ADCYAP1R1: variants seen among roughly 807,000 people sequenced by gnomAD.
ADCYAP1R1 encodes pituitary adenylate cyclase-activating polypeptide type I receptor.
In ADCYAP1R1, 44 loss-of-function variants were observed where a neutral mutation model predicts 67.6. The ratio of observed to expected loss-of-function variants is 0.65; its 90% CI spans 0.51 to 0.84. ADCYAP1R1 has a LOEUF of 0.84. Ranked by LOEUF, ADCYAP1R1 falls within the 40% of genes least tolerant of loss-of-function variation. The probability of loss-of-function intolerance (pLI) is 0.00; values close to 1 mark genes in which losing one functional copy is unlikely to be tolerated. For missense variants in ADCYAP1R1, 477 were observed against 587.9 expected (o/e 0.81, Z 1.95); for synonymous variants, 222 against 219.6 (o/e 1.01, Z -0.10).
chr7:31,074,261 G>A (rs959320279), intron 3 of ADCYAP1R1, among the ~76,000 whole-genome samples: 2 of 152,192 alleles, frequency 1.3e-5, no homozygotes, highest in Admixed American at 6.5e-5. Context: ...GGGGCTTCCG[G>A]TGCTAATGCT....
At chr7:31,078,708 G>C (rs902819022) in intron 4 of ADCYAP1R1, among the ~76,000 whole-genome samples, 11 of 152,226 alleles carry the variant, frequency 7.2e-5, no homozygotes, top group African/African-American at 2.7e-4. Flanking sequence ...CGTTTGCTCA[G>C]CAGAGCATTT....
chr7:31,084,325 A>T (rs936733441), intron 7 of ADCYAP1R1, 75 bp downstream of exon 7: 4 of 1,231,936 alleles, frequency 3.2e-6, no homozygotes, highest in Non-Finnish European at 4.7e-6. Context: ...GGCAGCATTC[A>T]TGAGCACCTG....
In ADCYAP1R1 at chr7:31,110,547, C is replaced by T. The variant is rs1461231637; in HGVS notation, c.*3863C>T. 6.6e-6 allele frequency: 1 copy of T among 152,278 alleles called. No homozygotes were observed. Among genetic ancestry groups the T allele is most frequent in the Non-Finnish European group, 1.5e-5 (1 of 68,026 alleles). 9.4% of individuals were successfully genotyped at this position (152,278 alleles called of 1,614,324 possible). A position where few individuals can be genotyped will look rare whatever the true frequency, so the allele number is the denominator to read the frequency against. Reference sequence around the variant, plus strand: ...AAATCTGAATGAGTAAATGGCTCACCAATTTATGCATAGCCCTGCACATGA... The same window carrying T: ...AAATCTGAATGAGTAAATGGCTCACTAATTTATGCATAGCCCTGCACATGA... On this transcript the variant is annotated 3_prime_UTR_variant, in exon 16 of 16. Coordinates refer to ENST00000304166, the MANE Select transcript of ADCYAP1R1 (RefSeq NM_001118.5).
intron 4 of ADCYAP1R1, among the ~76,000 whole-genome samples, chr7:31,079,519 C>G (rs138834047): frequency 2.6e-5 from 4 of 152,364 alleles, no homozygotes; most frequent in East Asian, 1.9e-4. Context: ...CACTCCAGCA[C>G]TGAGTCCTGC....
At chr7:31,084,287 G>A in intron 7 of ADCYAP1R1, 37 bp downstream of exon 7, 1 of 1,586,812 alleles carries the variant, frequency 6.3e-7, no homozygotes, top group Non-Finnish European at 8.6e-7. Context: ...AGGTGGTGAG[G>A]GTAGGGCTGA....
chr7:31,060,874 C>G (rs1195143896), intron 1 of ADCYAP1R1, among the ~76,000 whole-genome samples: 1 of 152,196 alleles, frequency 6.6e-6, no homozygotes, highest in Non-Finnish European at 1.5e-5. Context: ...AAAATAGAGG[C>G]TTTATAATTC....
intron 3 of ADCYAP1R1, among the ~76,000 whole-genome samples, chr7:31,077,424 G>GTGGTGTATA (rs1795295432): frequency 7.4e-6 from 1 of 135,276 alleles, no homozygotes; most frequent in Non-Finnish European, 1.6e-5. Flanking sequence ...TGATGTGTGT[G>GTGGTGTATA]TGGTGTATAT....
Position 31,077,989 on chromosome 7 carries a change from A to G in ADCYAP1R1, c.158-2A>G. On this transcript the variant is annotated splice_acceptor_variant, in intron 3 of 15. Coordinates refer to ENST00000304166, the MANE Select transcript of ADCYAP1R1 (RefSeq NM_001118.5). LOFTEE classifies it high-confidence loss of function. ...CTCTCACCATGGCTGTCTTACCCAC[A>G]GGCTGTCCTGGGATGTGGGACAACA... 1 of 1,603,638 alleles carries G rather than the reference A, an allele frequency of 6.2e-7. No homozygotes were observed. Among genetic ancestry groups the G allele is most frequent in the Non-Finnish European group, 8.5e-7 (1 of 1,174,754 alleles).
chr7:31,058,743 C>T (rs1363788305), intron 1 of ADCYAP1R1, among the ~76,000 whole-genome samples: 2 of 152,076 alleles, frequency 1.3e-5, no homozygotes, highest in Non-Finnish European at 2.9e-5. Context: ...TGTGGGGGTC[C>T]CTACTAGGGT....
At chr7:31,083,413 C>T (rs1290884267) in intron 6 of ADCYAP1R1, among the ~76,000 whole-genome samples, 1 of 152,206 alleles carries the variant, frequency 6.6e-6, no homozygotes, top group Non-Finnish European at 1.5e-5. Context: ...ACTGATCCCA[C>T]CCCCTCGAGT....
intron 1 of ADCYAP1R1, among the ~76,000 whole-genome samples, chr7:31,060,574 G>A (rs562904008): frequency 2.5e-4 from 38 of 152,142 alleles, no homozygotes; most frequent in African/African-American, 8.7e-4. Context: ...CATCATGGGA[G>A]TTTGTATTGA....
intron 1 of ADCYAP1R1, among the ~76,000 whole-genome samples, chr7:31,057,595 G>C (rs1794305869): frequency 6.6e-6 from 1 of 152,188 alleles, no homozygotes; most frequent in Non-Finnish European, 1.5e-5. Flanking sequence ...ATTGCCGGGA[G>C]GCCCCTGGCC....
chr7:31,065,773 TG>T (rs1010653387), intron 3 of ADCYAP1R1, among the ~76,000 whole-genome samples: 3 of 152,176 alleles, frequency 2.0e-5, no homozygotes, highest in Non-Finnish European at 4.4e-5. Flanking sequence ...CCTTAATCGT[TG>T]AAGGACTGGC....
intron 15 of ADCYAP1R1, 137 bp downstream of exon 15, chr7:31,105,046 G>A (rs927172121): frequency 1.3e-5 from 12 of 904,700 alleles, no homozygotes; most frequent in East Asian, 2.4e-5. Context: ...GAGAGGAGGG[G>A]CTGGTCATAC....
intron 14 of ADCYAP1R1, among the ~76,000 whole-genome samples, chr7:31,103,619 G>A (rs1409997352): frequency 6.6e-6 from 1 of 152,222 alleles, no homozygotes; most frequent in Non-Finnish European, 1.5e-5. Context: ...GACCTGAGAT[G>A]GCATCTCCCA....
intron 1 of ADCYAP1R1, among the ~76,000 whole-genome samples, 194 bp downstream of exon 1, chr7:31,052,872 C>T (rs114588765): frequency 0.018 from 2,806 of 152,314 alleles, 98 homozygotes; most frequent in African/African-American, 0.064. Context: ...AGCCCCCTCC[C>T]GCCGCTGCGC....
chr7:31,085,536 C>T, intron 9 of ADCYAP1R1, 94 bp downstream of exon 9: 1 of 1,415,920 alleles, frequency 7.1e-7, no homozygotes, highest in Non-Finnish European at 9.5e-7. Flanking sequence ...GCCTGACACC[C>T]TGCAGATCAA....
intron 3 of ADCYAP1R1, among the ~76,000 whole-genome samples, chr7:31,071,934 G>C (rs1795001397): frequency 6.6e-6 from 1 of 151,812 alleles, no homozygotes; most frequent in African/African-American, 2.4e-5. Flanking sequence ...GTTCTCACCT[G>C]GCCCTTTCCA....
At chr7:31,073,664 G>C (rs1340322241) in intron 3 of ADCYAP1R1, among the ~76,000 whole-genome samples, 1 of 152,158 alleles carries the variant, frequency 6.6e-6, no homozygotes, top group Non-Finnish European at 1.5e-5. Flanking sequence ...GTGGGAGCCT[G>C]CTGGGTCCTC....
Sources: allele counts gnomAD v4.1 joint callset (sites outside exome capture counted in the v4.1 genomes callset), GRCh38; gene constraint gnomAD v4.1.1; transcripts MANE v1.5; gene names NCBI Gene and HGNC (gene_info 2026-07-23, HGNC 2026-07-21).